DCT: variants seen among roughly 807,000 people sequenced by gnomAD.
DCT encodes dopachrome tautomerase.
In DCT, 47 loss-of-function variants were observed where a neutral mutation model predicts 53.0. The observed-to-expected ratio is 0.89, with a 90% CI of 0.70 to 1.13. DCT has a LOEUF of 1.13. Ranked by LOEUF, DCT falls within the 50% of genes most tolerant of loss-of-function variation. The probability of loss-of-function intolerance (pLI) is 0.00; values close to 1 mark genes in which losing one functional copy is unlikely to be tolerated. For missense variants in DCT, 669 were observed against 637.4 expected, an observed-to-expected ratio of 1.05 and a Z score of -0.53; for synonymous variants, 244 against 237.0, an observed-to-expected ratio of 1.03 and a Z score of -0.27.
chr13:94,473,662 G>GTGTGTGATTTT (rs1884894435), intron 1 of DCT, among the ~76,000 whole-genome samples: 2 of 152,208 alleles, frequency 1.3e-5, no homozygotes, highest in South Asian at 4.1e-4. Context: ...AATCAGAGAT[G>GTGTGTGATTTT]CTTCACAACT....
At chr13:94,461,880 G>A (rs1024440418) in intron 5 of DCT, 130 bp downstream of exon 5, 9 of 706,020 alleles carry the variant, frequency 1.3e-5, no homozygotes, top group Admixed American at 2.9e-5. Context: ...AACTTCTCTC[G>A]TTAGGCCTCT....
intron 1 of DCT, among the ~76,000 whole-genome samples, chr13:94,473,187 G>A (rs1192547072): frequency 6.6e-6 from 1 of 152,134 alleles, no homozygotes; most frequent in Non-Finnish European, 1.5e-5. Context: ...TTAGGATGGT[G>A]CAAAATCAAT....
chr13:94,445,832 A>G, intron 6 of DCT: 1 of 1,108,738 alleles, frequency 9.0e-7, no homozygotes, highest in Non-Finnish European at 1.3e-6. Flanking sequence ...CTGAATTGGG[A>G]CCCGCTGCCC....
the DCT span, among the ~76,000 whole-genome samples, chr13:94,504,946 T>C: frequency 6.6e-6 from 1 of 152,028 alleles, no homozygotes; most frequent in Admixed American, 6.6e-5. Context: ...CACATGTTCA[T>C]CTTCCTCTAG....
chr13:94,520,778 T>G, the DCT span, among the ~76,000 whole-genome samples: 4 of 152,164 alleles, frequency 2.6e-5, no homozygotes, highest in Admixed American at 2.6e-4. Context: ...TGCTGGGCAG[T>G]AGTAAAGTCA....
the DCT span, among the ~76,000 whole-genome samples, chr13:94,547,976 AAAAAAAAAATATATAT>A: frequency 9.4e-6 from 1 of 106,206 alleles, no homozygotes; most frequent in Non-Finnish European, 1.7e-5. Context: ...AAAAAAAAAA[AAAAAAAAAATATATAT>A]ATATATATAT....
chr13:94,482,184 A>C (rs1054632199), upstream of DCT, among the ~76,000 whole-genome samples: 1 of 152,240 alleles, frequency 6.6e-6, no homozygotes, highest in Admixed American at 6.5e-5. Flanking sequence ...GCAATGAGTC[A>C]TGTGCAGTTG....
the DCT span, among the ~76,000 whole-genome samples, chr13:94,494,854 T>C: frequency 6.6e-6 from 1 of 152,344 alleles, no homozygotes; most frequent in South Asian, 2.1e-4. Flanking sequence ...CATTTAACAA[T>C]ATGTTATGCA....
the DCT span, among the ~76,000 whole-genome samples, chr13:94,528,993 G>A: frequency 6.6e-6 from 1 of 151,782 alleles, no homozygotes; most frequent in Admixed American, 6.6e-5. Context: ...TGCAATCCTA[G>A]TCTCTGATAA....
At chr13:94,530,994 T>C in the DCT span, among the ~76,000 whole-genome samples, 1 of 152,074 alleles carries the variant, frequency 6.6e-6, no homozygotes. Context: ...TATACACCAT[T>C]AACAGACAAA....
the DCT span, among the ~76,000 whole-genome samples, chr13:94,503,152 T>G: frequency 1.3e-5 from 2 of 151,984 alleles, no homozygotes; most frequent in Non-Finnish European, 2.9e-5. Context: ...CAAGGGGGCA[T>G]GGATTGCTTG....
At chr13:94,547,962 CAAAAA>C in the DCT span, among the ~76,000 whole-genome samples, 1 of 67,904 alleles carries the variant, frequency 1.5e-5, no homozygotes, top group African/African-American at 1.3e-4. Context: ...AACTCCGTCT[CAAAAA>C]AAAAAAAAAA....
chr13:94,524,002 G>C, the DCT span, among the ~76,000 whole-genome samples: 1 of 151,814 alleles, frequency 6.6e-6, no homozygotes, highest in African/African-American at 2.4e-5. Context: ...AGAGAAAGAA[G>C]AAAAAAGGGA....
At chr13:94,452,467 T>G in intron 6 of DCT, 1 of 600,042 alleles carries the variant, frequency 1.7e-6, no homozygotes, top group Non-Finnish European at 2.9e-6. Flanking sequence ...ATGGGGGAAC[T>G]GTGGCTCTGA....
At chr13:94,448,505 T>C (rs1038405955) in intron 6 of DCT, among the ~76,000 whole-genome samples, 1 of 152,254 alleles carries the variant, frequency 6.6e-6, no homozygotes, top group African/African-American at 2.4e-5. Context: ...AAACTAATTG[T>C]ATCTTTGTTA....
At chr13:94,451,901 C>T (rs1381648721) in intron 6 of DCT, among the ~76,000 whole-genome samples, 1 of 150,954 alleles carries the variant, frequency 6.6e-6, no homozygotes, top group Non-Finnish European at 1.5e-5. Flanking sequence ...CTAATTCTGA[C>T]TTTTTTGAAT....
At chr13:94,513,143 G>C in the DCT span, among the ~76,000 whole-genome samples, 1 of 152,242 alleles carries the variant, frequency 6.6e-6, no homozygotes, top group African/African-American at 2.4e-5. Context: ...CACTTGTGAT[G>C]CTGGGTGAAA....
the DCT span, among the ~76,000 whole-genome samples, chr13:94,498,656 C>A: frequency 2.6e-5 from 4 of 152,200 alleles, no homozygotes; most frequent in Admixed American, 6.5e-5. Context: ...GTTACAGCAG[C>A]CTGAACTATG....
the DCT span, among the ~76,000 whole-genome samples, chr13:94,539,988 A>G: frequency 1.3e-5 from 2 of 152,194 alleles, no homozygotes; most frequent in Non-Finnish European, 2.9e-5. Flanking sequence ...GAACAAATAC[A>G]CTAAAAGCCA....
Sources: gnomAD v4.1 joint callset for allele counts (sites outside exome capture counted in the v4.1 genomes callset) on GRCh38, gnomAD v4.1.1 for gene constraint, MANE v1.5 for transcripts, NCBI Gene and HGNC (gene_info 2026-07-23, HGNC 2026-07-21) for gene names.